The following CDHR2 variants were observed in gnomAD, a reference collection of about 807,000 sequenced individuals.
The protein encoded by CDHR2 is cadherin-related family member 2.
Under a neutral mutation model 138.6 loss-of-function variants are expected in CDHR2, and 104 were observed. The observed-to-expected ratio is 0.75, with a 90% confidence interval of 0.64 to 0.88. The LOEUF is 0.88. CDHR2 is among the 40% of genes least tolerant of loss of function. The probability of loss-of-function intolerance (pLI) is 0.00; values close to 1 mark genes in which losing one functional copy is unlikely to be tolerated. For missense variants in CDHR2, 1,624 were observed against 1,727.6 expected (o/e 0.94, Z 1.06); for synonymous variants, 755 against 742.8 (o/e 1.02, Z -0.27).
chr5:176,578,416 CG>C lies in CDHR2; in HGVS notation c.1628del (p.Gly543ValfsTer14). On this transcript the variant is annotated frameshift_variant, in exon 16 of 32. Coordinates refer to ENST00000261944, the MANE Select transcript of CDHR2 (RefSeq NM_017675.6). LOFTEE classifies it high-confidence loss of function. ...TCTCAGGGACGGTGACGGTGAGGAA[CG>C]GTGAGCTGCTGGACCGGGAGAGCCA... ...PVSGTVTVRNGELLDRESQAV... is the reference protein window; with the variant it reads ...PVSGTVTVRNXELLDRESQAV... 6.2e-7 allele frequency: 1 copy of C among 1,614,036 alleles called. No individual in the cohort carries two copies. Among genetic ancestry groups the C allele is most frequent in the Non-Finnish European group, 8.5e-7 (1 of 1,179,994 alleles).
chr5:176,569,471 A>G (rs2113285724), intron 5 of CDHR2, among the ~76,000 whole-genome samples: 1 of 151,874 alleles, frequency 6.6e-6, no homozygotes, highest in South Asian at 2.1e-4. Context: ...TTTAGTAGAG[A>G]CGGGGTTTCA....
rs1171130486 is a variant in CDHR2 at position 176,589,012 on chromosome 5, T to C, written c.2857-19T>C. On this transcript the variant is annotated intron_variant, in intron 21 of 31. Coordinates refer to ENST00000261944, the MANE Select transcript of CDHR2 (RefSeq NM_017675.6). ...CTGGCCTGGCTGGGCCCCCAGATAT[T>C]GTCCACTCTTGCTCCCAGGCCAGAG... 1.2e-6 allele frequency: 2 copies of C among 1,612,944 alleles called. No homozygotes were observed. Among genetic ancestry groups the C allele is most frequent in the East Asian group, 4.5e-5 (2 of 44,852 alleles).
At position 176,565,405 on chromosome 5, in the gene CDHR2, G is replaced by A; in HGVS notation, c.52+1G>A. 2 of 1,613,946 alleles carry A rather than the reference G, an allele frequency of 1.2e-6. No individual in the cohort carries two copies. Among genetic ancestry groups the A allele is most frequent in the African/African-American group, 1.3e-5 (1 of 74,972 alleles). ...CTCCTTCCTGCCCTCGTGGTGTCTG[G>A]TAGGTGTCTCCCCTCCCCAGCCACG... On this transcript the variant is annotated splice_donor_variant, in intron 2 of 31. Coordinates refer to ENST00000261944, the MANE Select transcript of CDHR2 (RefSeq NM_017675.6). LOFTEE classifies it high-confidence loss of function.
chr5:176,570,310 T>C, intron 5 of CDHR2, among the ~76,000 whole-genome samples: 1 of 152,224 alleles, frequency 6.6e-6, no homozygotes, highest in Non-Finnish European at 1.5e-5. Flanking sequence ...AAAGCGAACG[T>C]GCACATTCCC....
chr5:176,579,967 G>C (rs1211279442), intron 16 of CDHR2, among the ~76,000 whole-genome samples: 1 of 152,194 alleles, frequency 6.6e-6, no homozygotes, highest in Non-Finnish European at 1.5e-5. Flanking sequence ...CTGGAGTCAG[G>C]CAGGGAAGGT....
rs1561866709 is a variant in CDHR2 at position 176,557,683 on chromosome 5, T to TCTC, written c.-15-7655_-15-7654insCTC. Among the ~76,000 whole-genome samples, 371 of 43,812 alleles carry TCTC rather than the reference T, an allele frequency of 8.5e-3. 5 individuals carry two copies. The highest frequency in any genetic ancestry group is 0.015 in the African/African-American group (344 of 22,494). 28.7% of individuals were successfully genotyped at this position (43,812 alleles called of 152,430 possible). A position where few individuals can be genotyped will look rare whatever the true frequency, so the allele number is the denominator to read the frequency against. ...TGGGCTAAGTCATTATCTGTTGATT[T>TCTC]TTTTTTCTTTCTTTCTTTCTTTCTT... On this transcript the variant is annotated intron_variant, in intron 1 of 31. Coordinates refer to ENST00000261944, the MANE Select transcript of CDHR2 (RefSeq NM_017675.6).
rs759973758 is a variant in CDHR2, at chr5:176,592,709, C to T, written c.3735-14C>T. On this transcript the variant is annotated splice_polypyrimidine_tract_variant and intron_variant, in intron 30 of 31. Coordinates refer to ENST00000261944, the MANE Select transcript of CDHR2 (RefSeq NM_017675.6). ...GGGCCTGCCAACACCTGAGCTCCAT[C>T]ACCTCTCTTACAGCGTCAACTCCCT... The T allele has an allele frequency of 3.7e-6, 6 of 1,613,408 alleles. No individual in the cohort carries two copies. Among genetic ancestry groups the T allele is most frequent in the East Asian group, 2.2e-5 (1 of 44,872 alleles).
intron 6 of CDHR2, among the ~76,000 whole-genome samples, 175 bp from the exon 7 acceptor site, chr5:176,573,908 T>C (rs1352247714): frequency 6.6e-6 from 1 of 151,990 alleles, no homozygotes; most frequent in Admixed American, 6.6e-5. Context: ...AGGGAGATCC[T>C]CTCTGCCGCC....
chr5:176,561,121 C>G (rs58134572), intron 1 of CDHR2, among the ~76,000 whole-genome samples: 52 of 152,324 alleles, frequency 3.4e-4, no homozygotes, highest in African/African-American at 1.1e-3. Context: ...ATAATAACTT[C>G]TCACATTTAT....
Position 176,575,375 on chromosome 5 carries a change from C to G in CDHR2, c.717C>G (p.Pro239=). ...ISVVDQPDLD[P]QFVREFYSAS... ...TGGTGGACCAGCCTGACCTTGACCC[C>G]CAGTTTGTCAGGGAGTTTTACTCGG... The change falls in exon 9 of 32, where the codon CCC becomes CCG. Residue 239 remains proline, a synonymous_variant. Coordinates refer to ENST00000261944, the MANE Select transcript of CDHR2 (RefSeq NM_017675.6). 1 of 1,614,240 alleles carries G rather than the reference C, an allele frequency of 6.2e-7. No homozygotes were observed. Among genetic ancestry groups the G allele is most frequent in the Non-Finnish European group, 8.5e-7 (1 of 1,180,042 alleles).
Position 176,555,897 on chromosome 5 carries a change from T to A in CDHR2, c.-16+6483T>A, listed in dbSNP as rs1581130462. ...GCCTGGGAGACAGAGTAAGACTCCATCTCAAAACAAACAAAAAAAACCCCC... is the reference window on the plus strand; with the variant it reads ...GCCTGGGAGACAGAGTAAGACTCCAACTCAAAACAAACAAAAAAAACCCCC... On this transcript the variant is annotated intron_variant, in intron 1 of 31. Coordinates refer to ENST00000261944, the MANE Select transcript of CDHR2 (RefSeq NM_017675.6). Among the ~76,000 whole-genome samples the A allele has an allele frequency of 4.5e-5, 4 of 88,360 alleles. No individual in the cohort carries two copies. The Admixed American group carries it at 5.6e-4, about 12-fold the overall frequency. 58.0% of individuals were successfully genotyped at this position (88,360 alleles called of 152,430 possible).
At chr5:176,586,951 G>C (rs1758686071) in intron 21 of CDHR2, 109 bp downstream of exon 21, 1 of 871,372 alleles carries the variant, frequency 1.1e-6, no homozygotes, top group Non-Finnish European at 1.8e-6. Flanking sequence ...TCCAACACAT[G>C]AAAAAGAAAA....
At chr5:176,577,843 G>A (rs1174139515) in intron 14 of CDHR2, 45 bp downstream of exon 14, 2 of 1,594,314 alleles carry the variant, frequency 1.3e-6, no homozygotes, top group East Asian at 2.3e-5. Context: ...CCAGCAAGCG[G>A]GCGTGCATGT....
At chr5:176,563,607 A>G (rs1758018153) in intron 1 of CDHR2, among the ~76,000 whole-genome samples, 1 of 152,130 alleles carries the variant, frequency 6.6e-6, no homozygotes, top group Non-Finnish European at 1.5e-5. Flanking sequence ...ATTGCCACGG[A>G]ATGTCTATTC....
chr5:176,595,140 T>C lies in CDHR2; in HGVS notation c.3793-392T>C, dbSNP rs574305549. 2.3e-3 allele frequency among the ~76,000 whole-genome samples: 356 copies of C among 152,242 alleles called. 1 individual carries two copies. The highest frequency in any genetic ancestry group is 8.2e-3 in the African/African-American group (341 of 41,552). On this transcript the variant is annotated intron_variant, in intron 31 of 31. Coordinates refer to ENST00000261944, the MANE Select transcript of CDHR2 (RefSeq NM_017675.6). ...CCCTCCCTCAGAGGGTTTCAGTGGG[T>C]AGTTGAGGTAATGGATGGACCTCAA...
rs1051425584 is a variant in CDHR2 at position 176,573,340 on chromosome 5, T to C, written c.406-743T>C. On this transcript the variant is annotated intron_variant, in intron 6 of 31. Transcript: ENST00000261944. Reference sequence around the variant, plus strand: ...TTTTCAAAGATCTCTGTGGCCACCATTAGGAAGTATAGGTCGTGGCTGGGC... The same window carrying C: ...TTTTCAAAGATCTCTGTGGCCACCACTAGGAAGTATAGGTCGTGGCTGGGC... Among the ~76,000 whole-genome samples, 7 of 152,120 alleles carry C rather than the reference T, an allele frequency of 4.6e-5. No homozygotes were observed. The East Asian group carries it at 1.4e-3, about 29-fold the overall frequency.
intron 31 of CDHR2, 102 bp downstream of exon 31, chr5:176,592,882 C>G: frequency 2.0e-6 from 2 of 997,070 alleles, no homozygotes; most frequent in South Asian, 2.6e-5. Flanking sequence ...ATGGGCAGTT[C>G]TGCTTCTCTG....
chr5:176,547,732 A>G (rs1757617161), upstream of CDHR2: 1 of 152,050 alleles, frequency 6.6e-6, no homozygotes, highest in Non-Finnish European at 1.5e-5. Context: ...CCAGCTCAAG[A>G]CAAGTATTTT....
chr5:176,565,780 C>G, intron 3 of CDHR2, 37 bp downstream of exon 3: 3 of 1,573,514 alleles, frequency 1.9e-6, no homozygotes, highest in Non-Finnish European at 2.6e-6. Flanking sequence ...CATGTCAGGT[C>G]CTGACCCACA....
Sources: gnomAD v4.1 joint callset for allele counts (sites outside exome capture counted in the v4.1 genomes callset) on GRCh38, gnomAD v4.1.1 for gene constraint, MANE v1.5 for transcripts, NCBI Gene and HGNC (gene_info 2026-07-23, HGNC 2026-07-21) for gene names.